Variants in LUZP2 observed in about 807,000 individuals in gnomAD.
The protein encoded by LUZP2 is leucine zipper protein 2.
LUZP2 carries 52 observed loss-of-function variants against 51.6 expected under a neutral mutation model. That is an observed-to-expected ratio of 1.01 (90% confidence interval 0.81 to 1.27). The LOEUF (loss-of-function observed/expected upper bound fraction) is 1.27. Ranked by LOEUF, LUZP2 falls within the 50% of genes most tolerant of loss-of-function variation. LUZP2 has a pLI of 0.00. For synonymous variants in LUZP2, 154 were observed against 137.3 expected (o/e 1.12, Z -0.85); for missense variants, 436 against 395.4 (o/e 1.10, Z -0.87).
chr11:24,824,669 G>T (rs760111476), intron 5 of LUZP2, among the ~76,000 whole-genome samples: 2 of 151,500 alleles, frequency 1.3e-5, no homozygotes, highest in Non-Finnish European at 2.9e-5. Context: ...CCCCAATAAA[G>T]CCCTACACAT....
intron 5 of LUZP2, among the ~76,000 whole-genome samples, chr11:24,844,935 G>C (rs1851151392): frequency 6.6e-6 from 1 of 152,220 alleles, no homozygotes; most frequent in South Asian, 2.1e-4. Flanking sequence ...TTGCTGCAGG[G>C]ATGGGGCCCT....
At chr11:24,881,327 A>G (rs1218504329) in intron 5 of LUZP2, among the ~76,000 whole-genome samples, 9 of 151,894 alleles carry the variant, frequency 5.9e-5, no homozygotes, top group Non-Finnish European at 8.8e-5. Context: ...AAAAAAAAAA[A>G]AGAGAGAGAG....
chr11:24,569,486 T>C (rs1852356014), intron 1 of LUZP2, among the ~76,000 whole-genome samples: 1 of 152,040 alleles, frequency 6.6e-6, no homozygotes, highest in Admixed American at 6.6e-5. Context: ...CTAGGTAATG[T>C]TGATGCTGCT....
At chr11:24,621,703 C>T (rs1440074097) in intron 1 of LUZP2, among the ~76,000 whole-genome samples, 1 of 152,074 alleles carries the variant, frequency 6.6e-6, no homozygotes, top group Admixed American at 6.6e-5. Flanking sequence ...TTTTATGATG[C>T]TCATTATTCT....
At chr11:24,740,531 G>A (rs578015447) in intron 4 of LUZP2, among the ~76,000 whole-genome samples, 8 of 152,248 alleles carry the variant, frequency 5.3e-5, no homozygotes, top group Admixed American at 3.3e-4. Context: ...CAGAGTAAGA[G>A]TGTTTGGGAT....
chr11:25,055,727 G>A lies in LUZP2; in HGVS notation c.858+5597G>A, dbSNP rs546675783. Reference sequence around the variant, plus strand: ...GAGGTTCAACAATGACGAATGGAAAGTGTTTTCTAATGCTTGAGATAGAAG... The same window carrying A: ...GAGGTTCAACAATGACGAATGGAAAATGTTTTCTAATGCTTGAGATAGAAG... On this transcript the variant is annotated intron_variant, in intron 10 of 11. Transcript: ENST00000336930. 3.3e-5 allele frequency among the ~76,000 whole-genome samples: 5 copies of A among 152,266 alleles called. No individual in the cohort carries two copies. In the East Asian group the frequency reaches 7.7e-4, roughly 24 times the overall value.
At chr11:24,567,014 A>AT (rs201485027) in intron 1 of LUZP2, among the ~76,000 whole-genome samples, 2,195 of 134,562 alleles carry the variant, frequency 0.016, 43 homozygotes, top group South Asian at 0.067. Flanking sequence ...ATATATATAT[A>AT]TTTTTTTTAG....
chr11:25,016,026 T>A (rs553314230), intron 9 of LUZP2, among the ~76,000 whole-genome samples: 41 of 151,754 alleles, frequency 2.7e-4, no homozygotes, highest in African/African-American at 9.9e-4. Flanking sequence ...GTTCACGCCA[T>A]TCTCCTGCCT....
chr11:24,605,152 A>G (rs2133874491), intron 1 of LUZP2, among the ~76,000 whole-genome samples: 1 of 151,854 alleles, frequency 6.6e-6, no homozygotes, highest in Non-Finnish European at 1.5e-5. Flanking sequence ...CTGATTATTA[A>G]TGGTGACTTT....
At chr11:24,649,628 A>G (rs1439339377) in intron 1 of LUZP2, among the ~76,000 whole-genome samples, 1 of 151,876 alleles carries the variant, frequency 6.6e-6, no homozygotes, top group African/African-American at 2.4e-5. Context: ...GGTAATTTCC[A>G]TCAATTCCCT....
chr11:25,016,763 G>C (rs950033612), intron 9 of LUZP2, among the ~76,000 whole-genome samples: 4 of 152,042 alleles, frequency 2.6e-5, no homozygotes, highest in African/African-American at 9.7e-5. Flanking sequence ...TTCATATGAT[G>C]ACTTTTTTTT....
intron 9 of LUZP2, among the ~76,000 whole-genome samples, chr11:25,022,623 T>C (rs1857371793): frequency 6.6e-6 from 1 of 152,074 alleles, no homozygotes; most frequent in Non-Finnish European, 1.5e-5. Context: ...AAAACTATTA[T>C]TATTAGAAAA....
At chr11:24,635,896 A>T (rs1261280868) in intron 1 of LUZP2, among the ~76,000 whole-genome samples, 1 of 152,142 alleles carries the variant, frequency 6.6e-6, no homozygotes, top group Non-Finnish European at 1.5e-5. Flanking sequence ...GTCTAAGCAC[A>T]AGGTGACTCT....
chr11:24,966,649 T>C (rs1481526909), intron 7 of LUZP2, among the ~76,000 whole-genome samples: 1 of 148,174 alleles, frequency 6.7e-6, no homozygotes, highest in Admixed American at 6.8e-5. Context: ...ATATATAAGA[T>C]ATATAACATA....
chr11:24,862,914 G>T (rs1851782760), intron 5 of LUZP2, among the ~76,000 whole-genome samples: 1 of 152,094 alleles, frequency 6.6e-6, no homozygotes. Context: ...CTTCAAATAA[G>T]ATTTTTTTAA....
chr11:24,733,355 T>C lies in LUZP2; in HGVS notation c.251+1167T>C, dbSNP rs563217695. On this transcript the variant is annotated intron_variant, in intron 3 of 11. Coordinates refer to ENST00000336930, the MANE Select transcript of LUZP2 (RefSeq NM_001009909.4). The stretch of plus-strand genomic sequence containing the variant: ...TTGGTTTGAAATAAATCATGCTCAA[T>C]ATTACACCAGTATTTGTGGCTCTGT... 2.0e-5 allele frequency among the ~76,000 whole-genome samples: 3 copies of C among 151,982 alleles called. No homozygotes were observed. The South Asian group carries it at 6.2e-4, about 31-fold the overall frequency.
intron 3 of LUZP2, among the ~76,000 whole-genome samples, chr11:24,736,605 G>A (rs1008932750): frequency 2.0e-5 from 3 of 151,470 alleles, no homozygotes; most frequent in Non-Finnish European, 4.4e-5. Flanking sequence ...CTATGCATTT[G>A]TTATCTGTCA....
intron 1 of LUZP2, among the ~76,000 whole-genome samples, chr11:24,519,844 A>G (rs1481273028): frequency 6.6e-6 from 1 of 152,232 alleles, no homozygotes; most frequent in Non-Finnish European, 1.5e-5. Flanking sequence ...TTGTGATTGC[A>G]CATAATTTTC....
At chr11:25,077,994 C>G (rs1209408226) in intron 11 of LUZP2, among the ~76,000 whole-genome samples, 1 of 152,126 alleles carries the variant, frequency 6.6e-6, no homozygotes, top group Non-Finnish European at 1.5e-5. Context: ...CACCCTCCCT[C>G]TCACAGACCA....
Sources: gnomAD v4.1 joint callset for allele counts (sites outside exome capture counted in the v4.1 genomes callset) on GRCh38, gnomAD v4.1.1 for gene constraint, MANE v1.5 for transcripts, NCBI Gene and HGNC (gene_info 2026-07-23, HGNC 2026-07-21) for gene names.